The following CDHR5 variants were observed in gnomAD, a reference collection of about 807,000 sequenced individuals.
CDHR5 encodes the protein cadherin-related family member 5.
CDHR5 carries 82 observed loss-of-function variants against 69.5 expected under a neutral mutation model. That is an observed-to-expected ratio of 1.18 (90% CI 0.99 to 1.42). CDHR5 has a LOEUF of 1.42. Among genes scored for constraint, CDHR5 ranks in the 40% most tolerant of loss-of-function variants. CDHR5 has a pLI of 0.00. For missense variants in CDHR5, 1,293 were observed against 1,168.9 expected, an observed-to-expected ratio of 1.11 and a Z score of -1.55; for synonymous variants, 601 against 510.2, an observed-to-expected ratio of 1.18 and a Z score of -2.40.
In CDHR5 at chr11:624,118, C is replaced by T. The variant is rs1477691214; in HGVS notation, c.312+95G>A. On this transcript the variant is annotated intron_variant, in intron 3 of 14. Coordinates refer to ENST00000397542, the MANE Select transcript of CDHR5 (RefSeq NM_021924.5). The surrounding 1 kb of genome is among the most constrained non-coding windows in gnomAD (Gnocchi z 5.3). ...GGGGGGGTGGAATTTGAAACCACAC[C>T]CTAGCTGACGTCATCAAAGACTGGT... The T allele has an allele frequency of 2.9e-6, 2 of 689,398 alleles. No individual in the cohort carries two copies. The highest frequency in any genetic ancestry group is 5.4e-6 in the Non-Finnish European group (2 of 370,808). The allele number at this position is 689,398 out of a possible 1,614,324, so 42.7% of individuals were successfully genotyped here. A position where few individuals can be genotyped will look rare whatever the true frequency, so the allele number is the denominator to read the frequency against.
chr11:620,169 G>C lies in CDHR5; in HGVS notation c.881-5C>G. On this transcript the variant is annotated splice_polypyrimidine_tract_variant and splice_region_variant and intron_variant, in intron 8 of 14. Transcript: ENST00000397542. ...TGAATGTACCATTCACGTTTCCTGGGAGGATGATGGAAGTGCTCAGCCCCG... is the reference window on the plus strand; with the variant it reads ...TGAATGTACCATTCACGTTTCCTGGCAGGATGATGGAAGTGCTCAGCCCCG... 6.2e-7 allele frequency: 1 copy of C among 1,612,676 alleles called. No individual in the cohort carries two copies. Among genetic ancestry groups the C allele is most frequent in the Non-Finnish European group, 8.5e-7 (1 of 1,178,910 alleles).
chr11:617,374 C>T lies in CDHR5; in HGVS notation c.2515G>A (p.Gly839Ser), dbSNP rs138946147. The T allele has an allele frequency of 5.3e-5, 86 of 1,608,072 alleles. No homozygotes were observed. Among genetic ancestry groups the T allele is most frequent in the Middle Eastern group, 5.0e-4 (3 of 6,052 alleles). Residue 839 changes from glycine (G) to serine (S), a missense_variant, in exon 15 of 15, where the codon GGT becomes AGT. Transcript: ENST00000397542. ...GRGGGPYDAP[G>S]GDDSYI ...ACTTAGATGTAGGAGTCATCACCAC[C>T]GGGCGCATCGTAGGGACCCCCACCC...
rs984977663 is a variant in CDHR5, at chr11:624,806, G to A, written c.85+12C>T. 1.2e-5 allele frequency: 20 copies of A among 1,609,362 alleles called. No individual in the cohort carries two copies. Among genetic ancestry groups the A allele is most frequent in the Non-Finnish European group, 1.4e-5 (17 of 1,177,860 alleles). On this transcript the variant is annotated intron_variant, in intron 1 of 14. Coordinates refer to ENST00000397542, the MANE Select transcript of CDHR5 (RefSeq NM_021924.5). The surrounding 1 kb of genome is among the most constrained non-coding windows in gnomAD (Gnocchi z 5.3). ...CGCCGCCCGTGCCCCACCTACCCCT[G>A]CCCGCACATACACTGGGCCTGGGCC...
Position 621,792 on chromosome 11 carries a change from C to T in CDHR5, c.405+20G>A, listed in dbSNP as rs550217395. Reference sequence around the variant, plus strand: ...CTCCCACACCCCCGTGCCCAGTCCCCGCGGCTTCGCTGGCCTCACCTCCTC... The same window carrying T: ...CTCCCACACCCCCGTGCCCAGTCCCTGCGGCTTCGCTGGCCTCACCTCCTC... On this transcript the variant is annotated intron_variant, in intron 4 of 14. Transcript: ENST00000397542. This position sits in a 1 kb window ranked among gnomAD's most constrained non-coding sequence, Gnocchi z 4.4. 6.0e-5 allele frequency: 97 copies of T among 1,606,764 alleles called. No individual in the cohort carries two copies. Among genetic ancestry groups the T allele is most frequent in the Non-Finnish European group, 7.6e-5 (89 of 1,174,458 alleles).
chr11:619,164 T>C lies in CDHR5; in HGVS notation c.1395A>G (p.Pro465=), dbSNP rs766609422. 1.3e-6 allele frequency: 2 copies of C among 1,548,994 alleles called. No individual in the cohort carries two copies. The highest frequency in any genetic ancestry group is 4.0e-5 in the Admixed American group (2 of 50,194). ...EPPSTDVPPS[P]EAGGTTGPWT... The stretch of plus-strand genomic sequence containing the variant: ...AGGGCCCAGTTGTTCCTCCAGCCTC[T>C]GGGGATGGGGGGACATCTGGGGGCC... The change falls in exon 13 of 15, where the codon CCA becomes CCG. Residue 465 remains proline (P), a synonymous_variant. Coordinates refer to ENST00000397542, the MANE Select transcript of CDHR5 (RefSeq NM_021924.5).
Position 624,560 on chromosome 11 carries a change from G to T in CDHR5, c.258C>A (p.Tyr86Ter). ...CCCGCCCGCCTGCCGCCCACACCTC[G>T]TAATCAGGAGTCACGTTGAGAAACA... ...NQLFLNVTPD[Y>*]EEKSLLEAQL... The change falls in exon 2 of 15, where the codon TAC (tyrosine) becomes TAA (stop). Residue 86 changes from tyrosine (Y) to a stop codon, truncating the protein, a stop_gained. Transcript: ENST00000397542. LOFTEE classifies it high-confidence loss of function. The surrounding 1 kb of genome is among the most constrained non-coding windows in gnomAD (Gnocchi z 5.3). The T allele has an allele frequency of 6.2e-7, 1 of 1,605,960 alleles. No homozygotes were observed.
In CDHR5 at chr11:618,748, G is replaced by A. The variant is rs774436870; in HGVS notation, c.1811C>T (p.Thr604Ile). 1 of 1,606,768 alleles carries A rather than the reference G, an allele frequency of 6.2e-7. No homozygotes were observed. Among genetic ancestry groups the A allele is most frequent in the South Asian group, 1.1e-5 (1 of 90,614 alleles). The change falls in exon 13 of 15, where the codon ACC becomes ATC. Residue 604 changes from threonine (T) to isoleucine (I), a missense_variant. Transcript: ENST00000397542. Reference protein sequence around the residue: ...PATPGGGTAQTPEAGTSQPMP... With the variant: ...PATPGGGTAQIPEAGTSQPMP... ...CGGCTGAGAGGTTCCTGCCTCTGGG[G>A]TCTGTGCTGTGCCCCCACCGGGTGT...
In CDHR5 at chr11:621,384, G is replaced by C; in HGVS notation, c.579C>G (p.Phe193Leu). 1 of 1,613,126 alleles carries C rather than the reference G, an allele frequency of 6.2e-7. No homozygotes were observed. The highest frequency in any genetic ancestry group is 8.5e-7 in the Non-Finnish European group (1 of 1,179,996). The change falls in exon 6 of 15, where the codon TTC becomes TTG. Residue 193 changes from phenylalanine (F) to leucine (L), a missense_variant. Transcript: ENST00000397542. The surrounding 1 kb of genome is among the most constrained non-coding windows in gnomAD (Gnocchi z 4.4). The stretch of plus-strand genomic sequence containing the variant: ...AGAAGGTCATGTTCGGCCGCTCGTA[G>C]AAGTCCAGGGGCCGGTCCAGCCTCA... ...PALRLDRPLD[F>L]YERPNMTFWL...
chr11:618,243 C>T lies in CDHR5; in HGVS notation c.1961-132G>A, dbSNP rs938052941. Reference sequence around the variant, plus strand: ...TGGGCTGTCTCCCAAATCTCAGGCTCTGCTGACCCTGGCTCAAGGGGCCTG... The same window carrying T: ...TGGGCTGTCTCCCAAATCTCAGGCTTTGCTGACCCTGGCTCAAGGGGCCTG... On this transcript the variant is annotated intron_variant, in intron 13 of 14. Coordinates refer to ENST00000397542, the MANE Select transcript of CDHR5 (RefSeq NM_021924.5). 9.0e-6 allele frequency: 7 copies of T among 775,982 alleles called. No individual in the cohort carries two copies. The African/African-American group carries it at 1.0e-4, about 12-fold the overall frequency. 48.1% of individuals were successfully genotyped at this position (775,982 alleles called of 1,614,324 possible).
At position 620,399 on chromosome 11, in the gene CDHR5, C is replaced by A; in HGVS notation, c.790-13G>T. On this transcript the variant is annotated splice_polypyrimidine_tract_variant and intron_variant, in intron 7 of 14. Transcript: ENST00000397542. The stretch of plus-strand genomic sequence containing the variant: ...CGAGGGGAGATGGCTTCAGGGATGG[C>A]GGAAGGGAGGGCACGTCGTGGGGCT... 6.3e-7 allele frequency: 1 copy of A among 1,575,796 alleles called. No individual in the cohort carries two copies.
At chr11:622,897 ATTGT>A (rs1227200565) in intron 3 of CDHR5, among the ~76,000 whole-genome samples, 1 of 152,174 alleles carries the variant, frequency 6.6e-6, no homozygotes, top group African/African-American at 2.4e-5. Flanking sequence ...TTTTTTAACA[ATTGT>A]TTGTTTGAAT....
chr11:617,468 G>T lies in CDHR5; in HGVS notation c.2421C>A (p.Asn807Lys). Residue 807 changes from asparagine (N) to lysine (K), a missense_variant, in exon 15 of 15, where the codon AAC becomes AAA. Physicochemically the swap from Asn to Lys is moderately conservative, Grantham distance 94. Coordinates refer to ENST00000397542, the MANE Select transcript of CDHR5 (RefSeq NM_021924.5). ...CGCCATCCACGTCCAGGGTGGGCGC[G>T]TTGAGAACGACCACGTCTGCCTCCG... The part of the protein sequence containing the change: ...IGTEADVVVL[N>K]APTLDVDGAS... 1 of 1,612,650 alleles carries T rather than the reference G, an allele frequency of 6.2e-7. No homozygotes were observed. The highest frequency in any genetic ancestry group is 8.5e-7 in the Non-Finnish European group (1 of 1,179,802).
intron 7 of CDHR5, among the ~76,000 whole-genome samples, chr11:620,716 C>A (rs1170754965): frequency 1.3e-5 from 2 of 152,134 alleles, no homozygotes; most frequent in Non-Finnish European, 2.9e-5. Flanking sequence ...TTTGGTGGCC[C>A]CAGGTGCCTT....
rs149002145 is a variant in CDHR5 at position 620,368 on chromosome 11, G to T, written c.808C>A (p.Arg270Ser). 1 of 1,607,968 alleles carries T rather than the reference G, an allele frequency of 6.2e-7. No individual in the cohort carries two copies. Residue 270 changes from arginine to serine, a missense_variant, in exon 8 of 15, where the codon CGT becomes AGT. By Grantham distance (110) the Arg-to-Ser change is moderately radical. Coordinates refer to ENST00000397542, the MANE Select transcript of CDHR5 (RefSeq NM_021924.5). ...TCCTCAGCGTAGATGGGTCCGGGAC[G>T]CAGGACGAGGGGAGATGGCTTCAGG... The part of the protein sequence containing the change: ...GHILPSPLVL[R>S]PGPIYAEDGD...
Position 616,717 on chromosome 11 carries a change from C to T in CDHR5, c.*634G>A, listed in dbSNP as rs1856916316. The T allele has an allele frequency of 1.3e-5, 2 of 154,980 alleles. No homozygotes were observed. Among genetic ancestry groups the T allele is most frequent in the South Asian group, 1.9e-4 (1 of 5,194 alleles). 9.6% of individuals were successfully genotyped at this position (154,980 alleles called of 1,614,324 possible). On this transcript the variant is annotated 3_prime_UTR_variant, in exon 15 of 15. Coordinates refer to ENST00000397542, the MANE Select transcript of CDHR5 (RefSeq NM_021924.5). Reference sequence around the variant, plus strand: ...AGCAGCGAGGGGAATGTGTCTCTCACCCCTAGGCCTCCTGGTCTGGCTCCT... The same window carrying T: ...AGCAGCGAGGGGAATGTGTCTCTCATCCCTAGGCCTCCTGGTCTGGCTCCT...
rs1221488491 is a variant in CDHR5 at position 618,841 on chromosome 11, G to A, written c.1718C>T (p.Thr573Ile). The change falls in exon 13 of 15, where the codon ACC becomes ATC. Residue 573 changes from threonine to isoleucine, a missense_variant. By Grantham distance (89) the Thr-to-Ile change is moderately conservative. Coordinates refer to ENST00000397542, the MANE Select transcript of CDHR5 (RefSeq NM_021924.5). ...PATPSGGTAQ[T>I]PEPGTSQPMP... ...CGGCTGAGAGGTTCCTGGCTCTGGGGTCTGTGCTGTGCCCCCACTGGGTGT... is the reference window on the plus strand; with the variant it reads ...CGGCTGAGAGGTTCCTGGCTCTGGGATCTGTGCTGTGCCCCCACTGGGTGT... 6.2e-7 allele frequency: 1 copy of A among 1,611,336 alleles called. No individual in the cohort carries two copies. The highest frequency in any genetic ancestry group is 2.2e-5 in the East Asian group (1 of 44,762).
At position 617,646 on chromosome 11, in the gene CDHR5, G is replaced by T; in HGVS notation, c.2243C>A (p.Ala748Glu). 6.5e-7 allele frequency: 1 copy of T among 1,537,734 alleles called. No individual in the cohort carries two copies. Among genetic ancestry groups the T allele is most frequent in the East Asian group, 2.4e-5 (1 of 41,762 alleles). The change falls in exon 15 of 15, where the codon GCA (alanine) becomes GAA (glutamate). Residue 748 changes from alanine (A) to glutamate (E), a missense_variant. Physicochemically the swap from Ala to Glu is moderately radical, Grantham distance 107. Transcript: ENST00000397542. ...GCCTGGGGAGGCAGGGCCGGGGGGT[G>T]CGGGCTCTGCGGGCATCGGTGCCTC... ...PAEAPMPAEP[A>E]PPGPASPGGA...
rs561470639 is a variant in CDHR5, at chr11:618,563, G to T, written c.1960+36C>A. The T allele has an allele frequency of 6.2e-6, 10 of 1,608,696 alleles. No individual in the cohort carries two copies. In the Admixed American group the frequency reaches 6.7e-5, roughly 11 times the overall value. On this transcript the variant is annotated intron_variant, in intron 13 of 14. Coordinates refer to ENST00000397542, the MANE Select transcript of CDHR5 (RefSeq NM_021924.5). Reference sequence around the variant, plus strand: ...GCGTTTCCCATACCAGCCAATGACCGGAGTCAGGGAGGGAAGGCAACAGAG... The same window carrying T: ...GCGTTTCCCATACCAGCCAATGACCTGAGTCAGGGAGGGAAGGCAACAGAG...
rs771330067 is a variant in CDHR5 at position 617,941 on chromosome 11, T to C, written c.2118+13A>G. ...GCCTGGTCGCCTGCCCTGTTCTCCA[T>C]CCTGGGCCTCACCGGAGCTTTGCCA... On this transcript the variant is annotated intron_variant, in intron 14 of 14. Transcript: ENST00000397542. 9.9e-6 allele frequency: 16 copies of C among 1,608,484 alleles called. No homozygotes were observed. In the South Asian group the frequency reaches 1.7e-4, roughly 17 times the overall value.
Sources: allele counts gnomAD v4.1 joint callset (sites outside exome capture counted in the v4.1 genomes callset), GRCh38; gene constraint gnomAD v4.1.1; non-coding constraint Gnocchi (gnomAD v3.1); transcripts MANE v1.5; gene names NCBI Gene and HGNC (gene_info 2026-07-23, HGNC 2026-07-21).